The following PPM1D variants were observed in gnomAD, a reference collection of about 807,000 sequenced individuals.
PPM1D encodes protein phosphatase, Mg2+/Mn2+ dependent 1D, also known as protein phosphatase 1D.
In PPM1D, 52 loss-of-function variants were observed where a neutral mutation model predicts 58.3. That is an observed-to-expected ratio of 0.89 (90% CI 0.71 to 1.12). The LOEUF (loss-of-function observed/expected upper bound fraction) is 1.12. PPM1D is among the 50% of genes most tolerant of loss of function. PPM1D has a pLI of 0.00. For missense variants in PPM1D, 564 were observed against 777.2 expected, an observed-to-expected ratio of 0.73 and a Z score of 3.26; for synonymous variants, 278 against 285.1, an observed-to-expected ratio of 0.98 and a Z score of 0.25.
chr17:60,613,985 A>G lies in PPM1D; in HGVS notation c.473-9536A>G, dbSNP rs1348503427. 3.3e-5 allele frequency among the ~76,000 whole-genome samples: 5 copies of G among 150,286 alleles called. No individual in the cohort carries two copies. In the East Asian group the frequency reaches 7.9e-4, roughly 24 times the overall value. On this transcript the variant is annotated intron_variant, in intron 1 of 5. Coordinates refer to ENST00000305921, the MANE Select transcript of PPM1D (RefSeq NM_003620.4). ...GGTGCCCGGTCCCGTCGACTGCCCA[A>G]GGGCTGAGGAGTGCGGGCCCAAGGG...
At chr17:60,621,023 A>G (rs2030690464) in intron 1 of PPM1D, among the ~76,000 whole-genome samples, 1 of 151,904 alleles carries the variant, frequency 6.6e-6, no homozygotes, top group Admixed American at 6.6e-5. Context: ...CCAAGGTTCA[A>G]GCGATTTGCC....
chr17:60,643,697 A>G (rs2031180475), intron 3 of PPM1D, among the ~76,000 whole-genome samples: 1 of 152,066 alleles, frequency 6.6e-6, no homozygotes, highest in Non-Finnish European at 1.5e-5. Flanking sequence ...ACTGCCAATA[A>G]TAGGACTGAC....
At chr17:60,651,544 C>T (rs751584739) in intron 4 of PPM1D, among the ~76,000 whole-genome samples, 33 of 151,970 alleles carry the variant, frequency 2.2e-4, no homozygotes, top group Admixed American at 6.6e-4. Flanking sequence ...ACTACAGGCG[C>T]GCGCCACCAT....
intron 2 of PPM1D, among the ~76,000 whole-genome samples, 174 bp downstream of exon 2, chr17:60,623,923 A>G (rs549991958): frequency 1.3e-5 from 2 of 152,304 alleles, no homozygotes; most frequent in Non-Finnish European, 2.9e-5. Context: ...TTTTCTCATT[A>G]CTATGAATTG....
At position 60,645,528 on chromosome 17, in the gene PPM1D, A is replaced by ATG. The variant is rs1353935513; in HGVS notation, c.827-2363_827-2362insGT. Among the ~76,000 whole-genome samples the ATG allele has an allele frequency of 8.8e-5, 12 of 135,966 alleles. No individual in the cohort carries two copies. The South Asian group carries it at 1.5e-3, about 17-fold the overall frequency. 89.2% of individuals were successfully genotyped at this position (135,966 alleles called of 152,430 possible). A position where few individuals can be genotyped will look rare whatever the true frequency, so the allele number is the denominator to read the frequency against. Reference sequence around the variant, plus strand: ...TATATATGTGTATATATATGTATATATATATGTGTATATATATGTATATAT... The same window carrying ATG: ...TATATATGTGTATATATATGTATATATGTATATGTGTATATATATGTATATAT... On this transcript the variant is annotated intron_variant, in intron 3 of 5. Transcript: ENST00000305921.
At chr17:60,619,325 G>A (rs537096555) in intron 1 of PPM1D, among the ~76,000 whole-genome samples, 21 of 151,098 alleles carry the variant, frequency 1.4e-4, no homozygotes, top group Non-Finnish European at 1.9e-4. Context: ...TGGATGTTTT[G>A]AATAATTCTG....
chr17:60,601,558 A>G (rs1395870387), intron 1 of PPM1D, among the ~76,000 whole-genome samples: 1 of 152,156 alleles, frequency 6.6e-6, no homozygotes, highest in Non-Finnish European at 1.5e-5. Context: ...GCCCCGTGTT[A>G]AGGGTGTGCG....
chr17:60,650,367 A>G (rs2143706853), intron 4 of PPM1D, among the ~76,000 whole-genome samples: 1 of 152,306 alleles, frequency 6.6e-6, no homozygotes, highest in Middle Eastern at 3.4e-3. Context: ...CCTGGCCAAC[A>G]TGGTGAAACC....
At chr17:60,625,019 G>A (rs2030778296) in intron 2 of PPM1D, among the ~76,000 whole-genome samples, 1 of 151,692 alleles carries the variant, frequency 6.6e-6, no homozygotes, top group Non-Finnish European at 1.5e-5. Flanking sequence ...GCGTGCAACT[G>A]TAGTCCCAAC....
chr17:60,633,829 T>G (rs1455827943), intron 2 of PPM1D, 24 bp from the exon 3 acceptor site: 1 of 1,586,268 alleles, frequency 6.3e-7, no homozygotes, highest in Non-Finnish European at 8.6e-7. Flanking sequence ...ATTTAGATTA[T>G]TTATGTGAAC....
chr17:60,616,741 A>G (rs1458394764), intron 1 of PPM1D, among the ~76,000 whole-genome samples: 1 of 152,240 alleles, frequency 6.6e-6, no homozygotes, highest in Non-Finnish European at 1.5e-5. Flanking sequence ...TTTCAGATGA[A>G]TAGGGAAAGT....
intron 3 of PPM1D, among the ~76,000 whole-genome samples, chr17:60,646,094 T>A (rs749223617): frequency 6.6e-6 from 1 of 152,182 alleles, no homozygotes; most frequent in Non-Finnish European, 1.5e-5. Context: ...GAGCCATGAT[T>A]GTGCCACTGT....
At position 60,600,255 on chromosome 17, in the gene PPM1D, A is replaced by C; in HGVS notation, c.-160A>C. 1 of 1,354,140 alleles carries C rather than the reference A, an allele frequency of 7.4e-7. No individual in the cohort carries two copies. The allele number at this position is 1,354,140 out of a possible 1,614,324, so 83.9% of individuals were successfully genotyped here. On this transcript the variant is annotated 5_prime_UTR_variant, in exon 1 of 6. Transcript: ENST00000305921. ...GCGCTCCGGCCCAGCTCTCGCGGACAAGTCCAGACATCGCGCGCCCCCCCT... is the reference window on the plus strand; with the variant it reads ...GCGCTCCGGCCCAGCTCTCGCGGACCAGTCCAGACATCGCGCGCCCCCCCT...
At chr17:60,634,980 G>C (rs1394860508) in intron 3 of PPM1D, among the ~76,000 whole-genome samples, 2 of 151,722 alleles carry the variant, frequency 1.3e-5, no homozygotes, top group African/African-American at 4.8e-5. Context: ...GGGTCTCACT[G>C]TGTTGCCCGG....
intron 1 of PPM1D, among the ~76,000 whole-genome samples, chr17:60,612,435 T>G (rs186207452): frequency 5.1e-4 from 78 of 152,338 alleles, no homozygotes; most frequent in Non-Finnish European, 8.1e-4. Flanking sequence ...TATAGCGTGT[T>G]GCTCCTAGGC....
intron 2 of PPM1D, among the ~76,000 whole-genome samples, chr17:60,632,130 C>T (rs939614736): frequency 2.0e-5 from 3 of 151,524 alleles, no homozygotes; most frequent in African/African-American, 2.4e-5. Flanking sequence ...GGAGGCGGAG[C>T]TTGCAGTGAG....
In PPM1D at chr17:60,663,880, A is replaced by C. The variant is rs182055676; in HGVS notation, c.*328A>C. 1.6e-5 allele frequency: 3 copies of C among 182,352 alleles called. No individual in the cohort carries two copies. In the Admixed American group the frequency reaches 1.7e-4, roughly 10 times the overall value. The allele number at this position is 182,352 out of a possible 1,614,324, so 11.3% of individuals were successfully genotyped here. On this transcript the variant is annotated 3_prime_UTR_variant, in exon 6 of 6. Coordinates refer to ENST00000305921, the MANE Select transcript of PPM1D (RefSeq NM_003620.4). ...TTTAAAGAAATCAAAAGAATCTATTAGATTTTAGAAAAACATTTAAACTTT... is the reference window on the plus strand; with the variant it reads ...TTTAAAGAAATCAAAAGAATCTATTCGATTTTAGAAAAACATTTAAACTTT...
intron 3 of PPM1D, among the ~76,000 whole-genome samples, chr17:60,647,025 CTGTT>C (rs748262410): frequency 1.2e-4 from 19 of 152,162 alleles, no homozygotes; most frequent in Non-Finnish European, 2.4e-4. Flanking sequence ...ATTGGTACTT[CTGTT>C]TGTAGGATAA....
In PPM1D at chr17:60,663,582, A is replaced by T; in HGVS notation, c.*30A>T. 7 of 1,586,724 alleles carry T rather than the reference A, an allele frequency of 4.4e-6. No homozygotes were observed. The highest frequency in any genetic ancestry group is 6.0e-6 in the Non-Finnish European group (7 of 1,170,104). ...CATCTGGGAAATGAGGTTTTTCCAA[A>T]CTTAGGATATAAGAGGGCTTTTTAA... On this transcript the variant is annotated 3_prime_UTR_variant, in exon 6 of 6. Coordinates refer to ENST00000305921, the MANE Select transcript of PPM1D (RefSeq NM_003620.4).
Sources: gnomAD v4.1 joint callset for allele counts (sites outside exome capture counted in the v4.1 genomes callset) on GRCh38, gnomAD v4.1.1 for gene constraint, MANE v1.5 for transcripts, NCBI Gene and HGNC (gene_info 2026-07-23, HGNC 2026-07-21) for gene names.